The following LINGO1 variants were observed in gnomAD, a reference collection of about 807,000 sequenced individuals.
LINGO1 encodes the protein leucine-rich repeat and immunoglobulin-like domain-containing nogo receptor-interacting protein 1.
A neutral mutation model predicts 37.3 loss-of-function variants in LINGO1; 11 were observed. That is an observed-to-expected ratio of 0.29 (90% CI 0.19 to 0.49). LINGO1 has a LOEUF of 0.49. Among genes scored for constraint, LINGO1 ranks in the 20% least tolerant of loss-of-function variants. The probability of loss-of-function intolerance (pLI) is 0.99; values close to 1 mark genes in which losing one functional copy is unlikely to be tolerated. For synonymous variants in LINGO1, 387 were observed against 403.0 expected, an observed-to-expected ratio of 0.96 and a Z score of 0.48; for missense variants, 585 against 878.2, an observed-to-expected ratio of 0.67 and a Z score of 4.22.
intron 1 of LINGO1, among the ~76,000 whole-genome samples, chr15:77,785,245 C>T (rs914461989): frequency 6.6e-6 from 1 of 152,198 alleles, no homozygotes; most frequent in African/African-American, 2.4e-5. Flanking sequence ...CAGACCCCTC[C>T]CACATCTCCC....
chr15:77,711,313 C>T (rs761337716), intron 2 of LINGO1, among the ~76,000 whole-genome samples: 8 of 152,238 alleles, frequency 5.3e-5, no homozygotes, highest in Non-Finnish European at 8.8e-5. Context: ...GAGACTGTGG[C>T]TTAAAGAGAG....
intron 1 of LINGO1, among the ~76,000 whole-genome samples, chr15:77,777,415 C>A (rs1353366926): frequency 6.7e-6 from 1 of 150,218 alleles, no homozygotes; most frequent in East Asian, 2.0e-4. Flanking sequence ...GACACACACA[C>A]ACAACTGGGT....
chr15:77,764,253 G>A (rs1295059415), intron 1 of LINGO1, among the ~76,000 whole-genome samples: 1 of 152,146 alleles, frequency 6.6e-6, no homozygotes, highest in Non-Finnish European at 1.5e-5. Flanking sequence ...TTTTCTCAGT[G>A]ATAATTTAGC....
chr15:77,632,362 C>T lies in LINGO1; in HGVS notation c.-47G>A. The T allele has an allele frequency of 7.2e-7, 1 of 1,394,650 alleles. No individual in the cohort carries two copies. The highest frequency in any genetic ancestry group is 3.1e-5 in the East Asian group (1 of 32,260). The allele number at this position is 1,394,650 out of a possible 1,614,324, so 86.4% of individuals were successfully genotyped here. ...CTCGGCTCGGTCACCAATCGCATGT[C>T]TCTCCAGCCGGCCCGACCAGGCCCC... On this transcript the variant is annotated 5_prime_UTR_variant, in exon 1 of 2. Coordinates refer to ENST00000355300, the MANE Select transcript of LINGO1 (RefSeq NM_032808.7). The surrounding 1 kb of genome is among the most constrained non-coding windows in gnomAD (Gnocchi z 6.0).
upstream of LINGO1, among the ~76,000 whole-genome samples, chr15:77,697,332 A>G (rs2141264866): frequency 6.6e-6 from 1 of 152,326 alleles, no homozygotes. Context: ...GCCACCCTCA[A>G]CCTGTAGTAA....
intron 1 of LINGO1, among the ~76,000 whole-genome samples, chr15:77,817,180 TG>T (rs1423991497): frequency 6.6e-6 from 1 of 152,100 alleles, no homozygotes; most frequent in Non-Finnish European, 1.5e-5. Context: ...CCGAAGGCCC[TG>T]GGGATGACTC....
chr15:77,630,591 G>T (rs1161637688), intron 1 of LINGO1, among the ~76,000 whole-genome samples: 1 of 152,120 alleles, frequency 6.6e-6, no homozygotes, highest in African/African-American at 2.4e-5. Context: ...CTCCCTCCCA[G>T]TCACACAGGG....
rs1052196454 is a variant in LINGO1 at position 77,744,293 on chromosome 15, G to T, written c.-256-9240C>A. ...TCATGCCTGTAATACTAGCACTCTG[G>T]GAGGCCAAGGTGGGCAGACTGCTTG... On this transcript the variant is annotated intron_variant, in intron 1 of 3. Transcript: ENST00000561686. Among the ~76,000 whole-genome samples the T allele has an allele frequency of 2.0e-4, 31 of 152,294 alleles. 1 individual carries two copies. Among genetic ancestry groups the T allele is most frequent in the South Asian group, 2.1e-4 (1 of 4,832 alleles).
intron 1 of LINGO1, among the ~76,000 whole-genome samples, chr15:77,618,204 G>C (rs894485444): frequency 1.3e-5 from 2 of 152,228 alleles, no homozygotes; most frequent in African/African-American, 4.8e-5. Context: ...TGGGGAATGA[G>C]GGGGGCTAGT....
At chr15:77,798,288 G>A (rs7182069) in intron 1 of LINGO1, among the ~76,000 whole-genome samples, 29,631 of 152,182 alleles carry the variant, frequency 0.19, 3,064 homozygotes, top group African/African-American at 0.26. Flanking sequence ...GCTGGATCCC[G>A]ATAGACTGGC....
intron 2 of LINGO1, among the ~76,000 whole-genome samples, chr15:77,723,917 T>C (rs1251290566): frequency 3.9e-5 from 6 of 152,132 alleles, no homozygotes; most frequent in Non-Finnish European, 8.8e-5. Context: ...GACAGATCTC[T>C]CAGGCTCAGC....
At chr15:77,709,164 A>C (rs527515254) in intron 2 of LINGO1, among the ~76,000 whole-genome samples, 4 of 152,342 alleles carry the variant, frequency 2.6e-5, no homozygotes, top group Admixed American at 2.0e-4. Context: ...CCAGGTTTAT[A>C]GTAATTTGTT....
intron 2 of LINGO1, among the ~76,000 whole-genome samples, chr15:77,706,176 C>A (rs1483672103): frequency 1.3e-5 from 2 of 152,196 alleles, no homozygotes; most frequent in Non-Finnish European, 2.9e-5. Context: ...ACTCCTTCTC[C>A]AGGGCTCCTG....
rs181582938 is a variant in LINGO1 at position 77,650,736 on chromosome 15, G to A, written c.-13+26353C>T. ...AAGATGGGGATGGGGTGAAGGCAGGGGCTGAAGGTATGCTGGAGGCAGTGA... is the reference window on the plus strand; with the variant it reads ...AAGATGGGGATGGGGTGAAGGCAGGAGCTGAAGGTATGCTGGAGGCAGTGA... On this transcript the variant is annotated intron_variant, in intron 3 of 3. Coordinates refer to the LINGO1 transcript ENST00000559893. 2.4e-3 allele frequency among the ~76,000 whole-genome samples: 367 copies of A among 152,296 alleles called. 2 individuals are homozygous for A. Among genetic ancestry groups the A allele is most frequent in the Non-Finnish European group, 3.0e-3 (206 of 68,034 alleles).
intron 3 of LINGO1, among the ~76,000 whole-genome samples, chr15:77,665,752 CTGCCCTGCA>C (rs1049684268): frequency 4.6e-5 from 7 of 152,264 alleles, no homozygotes; most frequent in African/African-American, 1.7e-4. Context: ...CGCCTCCAGG[CTGCCCTGCA>C]TGTGTCCTGG....
chr15:77,788,799 C>T (rs542830097), upstream of LINGO1: 9 of 152,372 alleles, frequency 5.9e-5, no homozygotes, highest in Admixed American at 5.9e-4. Context: ...GAAGCCACTA[C>T]CTGAGGGCAC....
At chr15:77,780,303 T>C (rs1380913347) in intron 1 of LINGO1, among the ~76,000 whole-genome samples, 1 of 152,110 alleles carries the variant, frequency 6.6e-6, no homozygotes, top group Non-Finnish European at 1.5e-5. Flanking sequence ...AGGGAGAACA[T>C]GGCAGGCGTG....
intron 1 of LINGO1, among the ~76,000 whole-genome samples, chr15:77,628,727 G>A (rs9920134): frequency 6.6e-6 from 1 of 151,920 alleles, no homozygotes; most frequent in Non-Finnish European, 1.5e-5. Flanking sequence ...TAAATGCCTC[G>A]ATTAATTAAT....
intron 1 of LINGO1, among the ~76,000 whole-genome samples, chr15:77,814,403 CAAA>C (rs932702580): frequency 7.3e-4 from 111 of 152,236 alleles, no homozygotes; most frequent in African/African-American, 2.5e-3. Flanking sequence ...GAGGACTAAA[CAAA>C]AGAAGGAGTA....
Sources: gnomAD v4.1 joint callset for allele counts (sites outside exome capture counted in the v4.1 genomes callset) on GRCh38, gnomAD v4.1.1 for gene constraint, Gnocchi (gnomAD v3.1) non-coding constraint, MANE v1.5 for transcripts, NCBI Gene and HGNC (gene_info 2026-07-23, HGNC 2026-07-21) for gene names.